The following KANK1 variants were observed in gnomAD, a reference collection of about 807,000 sequenced individuals.
The protein encoded by KANK1 is KN motif and ankyrin repeat domain-containing protein 1.
KANK1 carries 109 observed loss-of-function variants against 106.2 expected under a neutral mutation model. That is an observed-to-expected ratio of 1.03 (90% CI 0.88 to 1.20). The LOEUF is 1.20. KANK1 is among the 50% of genes most tolerant of loss of function. The probability of loss-of-function intolerance (pLI) is 0.00; values close to 1 mark genes in which losing one functional copy is unlikely to be tolerated. For missense variants in KANK1, 2,399 were observed against 1,710.7 expected, an observed-to-expected ratio of 1.40 and a Z score of -7.10; for synonymous variants, 873 against 652.2, an observed-to-expected ratio of 1.34 and a Z score of -5.16.
chr9:477,114 G>C (rs549345357), intron 3 of KANK1, among the ~76,000 whole-genome samples: 5 of 152,328 alleles, frequency 3.3e-5, no homozygotes, highest in African/African-American at 9.6e-5. Flanking sequence ...AGCAGGGCAT[G>C]ACAGGGAGTT....
intron 1 of KANK1, among the ~76,000 whole-genome samples, chr9:547,045 C>G (rs1219376038): frequency 1.3e-5 from 2 of 152,208 alleles, no homozygotes; most frequent in East Asian, 1.9e-4. Flanking sequence ...GTTCCCAGAT[C>G]GGTTGTTGTT....
At chr9:507,360 A>T (rs1268799551) in intron 1 of KANK1, among the ~76,000 whole-genome samples, 1 of 151,932 alleles carries the variant, frequency 6.6e-6, no homozygotes, top group Non-Finnish European at 1.5e-5. Context: ...CTCTCAAAAC[A>T]AGATGAGCTG....
chr9:582,592 C>A (rs1273199203), intron 1 of KANK1, among the ~76,000 whole-genome samples: 2 of 152,160 alleles, frequency 1.3e-5, no homozygotes, highest in African/African-American at 4.8e-5. Flanking sequence ...TCAGATGCTG[C>A]CTTGCCCATA....
At chr9:614,380 A>C (rs5008774) in intron 1 of KANK1, among the ~76,000 whole-genome samples, 54,931 of 148,850 alleles carry the variant, frequency 0.37, 12,543 homozygotes, top group South Asian at 0.58. Context: ...GAGTGATTAT[A>C]TACTTCTGCA....
At chr9:528,074 A>G (rs1042040672) in intron 1 of KANK1, among the ~76,000 whole-genome samples, 2 of 151,152 alleles carry the variant, frequency 1.3e-5, no homozygotes, top group East Asian at 3.9e-4. Context: ...TGGAGCTTGC[A>G]GTGAGCCGAG....
At chr9:530,015 C>CTAATTTTA in intron 1 of KANK1, among the ~76,000 whole-genome samples, 1 of 152,170 alleles carries the variant, frequency 6.6e-6, no homozygotes, top group Non-Finnish European at 1.5e-5. Context: ...TTTTAATTTG[C>CTAATTTTA]ATTTCTCTTA....
intron 1 of KANK1, among the ~76,000 whole-genome samples, chr9:600,450 G>C (rs544560003): frequency 9.2e-5 from 14 of 151,928 alleles, no homozygotes; most frequent in Middle Eastern, 3.4e-3. Context: ...AGAAAAAGAA[G>C]GGTATGTCTG....
At chr9:551,637 C>A (rs566910580) in intron 1 of KANK1, among the ~76,000 whole-genome samples, 1 of 152,114 alleles carries the variant, frequency 6.6e-6, no homozygotes, top group African/African-American at 2.4e-5. Flanking sequence ...CCACTTGGTG[C>A]TAGAAATACA....
intron 3 of KANK1, among the ~76,000 whole-genome samples, chr9:483,157 C>T (rs1211688231): frequency 6.6e-6 from 1 of 151,914 alleles, no homozygotes; most frequent in Non-Finnish European, 1.5e-5. Flanking sequence ...GAAACTTTAT[C>T]ATAGATATGT....
intron 1 of KANK1, among the ~76,000 whole-genome samples, chr9:543,191 G>A (rs945897668): frequency 1.3e-5 from 2 of 151,984 alleles, no homozygotes; most frequent in Admixed American, 1.3e-4. Context: ...ACGGTAATAA[G>A]CCCTTAAAGG....
At chr9:710,618 AAAAAAAAAAAAC>A (rs1295788178) in intron 2 of KANK1, among the ~76,000 whole-genome samples, 174 bp from the exon 3 acceptor site, 5 of 115,976 alleles carry the variant, frequency 4.3e-5, no homozygotes, top group East Asian at 2.0e-4. Context: ...CCTGTCTCAA[AAAAAAAAAAAAC>A]AAAAAAAAAC....
intron 1 of KANK1, among the ~76,000 whole-genome samples, chr9:529,258 TAC>T (rs1010825051): frequency 1.3e-5 from 2 of 148,966 alleles, no homozygotes; most frequent in African/African-American, 5.0e-5. Flanking sequence ...CACACACATA[TAC>T]ACACACACAC....
intron 1 of KANK1, among the ~76,000 whole-genome samples, chr9:521,057 T>C (rs2133211029): frequency 6.6e-6 from 1 of 151,970 alleles, no homozygotes; most frequent in South Asian, 2.1e-4. Flanking sequence ...TTGGTATTTT[T>C]CTTTCAAAAA....
intron 3 of KANK1, among the ~76,000 whole-genome samples, chr9:717,981 C>T (rs553044347): frequency 2.0e-5 from 3 of 146,662 alleles, no homozygotes; most frequent in Non-Finnish European, 4.4e-5. Flanking sequence ...TATCTTAGTT[C>T]ATCAAAAGTT....
At chr9:561,489 T>G (rs1439859125) in intron 1 of KANK1, among the ~76,000 whole-genome samples, 1 of 152,232 alleles carries the variant, frequency 6.6e-6, no homozygotes, top group Non-Finnish European at 1.5e-5. Flanking sequence ...TGAAGATATC[T>G]CAAATACACT....
At chr9:672,750 A>G (rs936670333) in intron 1 of KANK1, among the ~76,000 whole-genome samples, 6 of 152,190 alleles carry the variant, frequency 3.9e-5, no homozygotes, top group Admixed American at 2.6e-4. Flanking sequence ...AGCTCATGCA[A>G]TGTTTCCGTC....
At chr9:679,033 CT>C (rs757355059) in intron 2 of KANK1, among the ~76,000 whole-genome samples, 8 of 151,976 alleles carry the variant, frequency 5.3e-5, no homozygotes, top group Non-Finnish European at 1.0e-4. Context: ...TACCTTTTTT[CT>C]TTGTTCCTGA....
intron 1 of KANK1, among the ~76,000 whole-genome samples, chr9:632,853 C>A (rs1836088889): frequency 6.6e-6 from 1 of 152,030 alleles, no homozygotes; most frequent in East Asian, 1.9e-4. Flanking sequence ...CCGCACCCGG[C>A]TAATTTTTTT....
At chr9:624,832 A>G (rs145216514) in intron 1 of KANK1, among the ~76,000 whole-genome samples, 30 of 152,068 alleles carry the variant, frequency 2.0e-4, no homozygotes, top group African/African-American at 6.5e-4. Context: ...CCCTTTAAAA[A>G]CGCAATGAAA....
Sources: gnomAD v4.1 joint callset for allele counts (sites outside exome capture counted in the v4.1 genomes callset) on GRCh38, gnomAD v4.1.1 for gene constraint, MANE v1.5 for transcripts, NCBI Gene and HGNC (gene_info 2026-07-23, HGNC 2026-07-21) for gene names.